Variants in PPP4R1 observed in about 807,000 individuals in gnomAD.
PPP4R1 encodes the protein serine/threonine-protein phosphatase 4 regulatory subunit 1.
PPP4R1 carries 42 observed loss-of-function variants against 111.2 expected under a neutral mutation model. The ratio of observed to expected loss-of-function variants is 0.38; its 90% CI spans 0.29 to 0.49. PPP4R1 has a LOEUF of 0.49. Ranked by LOEUF, PPP4R1 falls within the 20% of genes least tolerant of loss-of-function variation. The probability of loss-of-function intolerance (pLI) is 0.97; values close to 1 mark genes in which losing one functional copy is unlikely to be tolerated. For synonymous variants in PPP4R1, 409 were observed against 405.5 expected (o/e 1.01, Z -0.10); for missense variants, 1,012 against 1,161.6 (o/e 0.87, Z 1.87).
chr18:9,584,406 T>C (rs1167140367), intron 8 of PPP4R1, 109 bp downstream of exon 8: 13 of 905,142 alleles, frequency 1.4e-5, no homozygotes, highest in South Asian at 2.7e-5. Flanking sequence ...TTCTGGTTTA[T>C]ATTCATGGAA....
At chr18:9,589,991 A>G (rs972135833) in intron 4 of PPP4R1, 2 of 152,228 alleles carry the variant, frequency 1.3e-5, no homozygotes, top group African/African-American at 4.8e-5. Context: ...CATGTATAAC[A>G]GAGTATTAGG....
At chr18:9,567,173 A>G (rs1213376966) in intron 11 of PPP4R1, among the ~76,000 whole-genome samples, 1 of 152,220 alleles carries the variant, frequency 6.6e-6, no homozygotes, top group Non-Finnish European at 1.5e-5. Flanking sequence ...GGAGGAGGTC[A>G]AAATATCCAC....
chr18:9,592,636 T>C (rs1598944216), intron 4 of PPP4R1, among the ~76,000 whole-genome samples: 4 of 150,332 alleles, frequency 2.7e-5, no homozygotes, highest in Admixed American at 2.7e-4. Context: ...AATTTACCAA[T>C]GTGAGAACAT....
chr18:9,550,062 A>G lies in PPP4R1; in HGVS notation c.2537T>C (p.Phe846Ser), dbSNP rs746414992. ...PKWSGRQAFVFVCQTVIEDDC... is the reference protein window; with the variant it reads ...PKWSGRQAFVSVCQTVIEDDC... ...CAGGGCCTCGCTTACCTGGCAGACA[A>G]AGACAAAGGCTTGCCGACCAGACCA... Residue 846 changes from phenylalanine (F) to serine (S), a missense_variant, in exon 18 of 20, where the codon TTT (phenylalanine) becomes TCT (serine). Around this residue, in one of 2 missense-constraint regions of PPP4R1, gnomAD observed 305 missense variants for 419.5 expected, o/e 0.73. Transcript: ENST00000400556. The G allele has an allele frequency of 2.0e-5, 32 of 1,614,168 alleles. No homozygotes were observed. The East Asian group carries it at 7.1e-4, about 36-fold the overall frequency.
At chr18:9,556,200 T>C (rs908324777) in intron 15 of PPP4R1, among the ~76,000 whole-genome samples, 6 of 150,684 alleles carry the variant, frequency 4.0e-5, no homozygotes, top group Admixed American at 3.3e-4. Flanking sequence ...TGTTTTTGTT[T>C]TTTACTTTTT....
intron 3 of PPP4R1, 192 bp downstream of exon 3, chr18:9,594,826 T>A: frequency 1.9e-6 from 1 of 520,838 alleles, no homozygotes; most frequent in Non-Finnish European, 3.1e-6. Context: ...AAAGAAAGCA[T>A]GTTGTATGCT....
At chr18:9,553,657 T>C (rs976207883) in intron 15 of PPP4R1, among the ~76,000 whole-genome samples, 1 of 152,236 alleles carries the variant, frequency 6.6e-6, no homozygotes, top group African/African-American at 2.4e-5. Flanking sequence ...TGCCTATCAA[T>C]GAGCCACGCT....
In PPP4R1 at chr18:9,588,745, A is replaced by G. The variant is rs2067161827; in HGVS notation, c.404T>C (p.Ile135Thr). The G allele has an allele frequency of 6.2e-7, 1 of 1,613,084 alleles. No individual in the cohort carries two copies. Among genetic ancestry groups the G allele is most frequent in the Non-Finnish European group, 8.5e-7 (1 of 1,179,118 alleles). The change falls in exon 5 of 20, where the codon ATT (isoleucine) becomes ACT (threonine). Residue 135 changes from isoleucine (I) to threonine (T), a missense_variant. By Grantham distance (89) the Ile-to-Thr change is moderately conservative. This residue lies in a region of PPP4R1 where 707 missense variants were observed against 742.1 expected (regional missense o/e 0.95). Coordinates refer to ENST00000400556, the MANE Select transcript of PPP4R1 (RefSeq NM_001042388.3). ...PYAFSKFLLP[I>T]VVRYLADQNN... ...CTGATCTGCAAGGTATCTAACCACA[A>G]TAGGTAGTAAGAATTTTGAAAAAGC...
At chr18:9,590,176 A>C (rs2145227731) in intron 4 of PPP4R1, 1 of 152,254 alleles carries the variant, frequency 6.6e-6, no homozygotes, top group East Asian at 1.9e-4. Flanking sequence ...TGCATTAATA[A>C]AGCTACATTA....
chr18:9,571,853 G>A (rs911315903), intron 10 of PPP4R1, among the ~76,000 whole-genome samples: 3 of 152,182 alleles, frequency 2.0e-5, no homozygotes, highest in African/African-American at 7.2e-5. Context: ...AGTTCATCCT[G>A]GACTACAGGA....
intron 15 of PPP4R1, among the ~76,000 whole-genome samples, chr18:9,554,059 G>A (rs1458093556): frequency 1.3e-5 from 2 of 152,040 alleles, no homozygotes; most frequent in Non-Finnish European, 2.9e-5. Context: ...GATTTGATGT[G>A]GGAATTATTA....
At chr18:9,576,305 T>C (rs774116945) in intron 10 of PPP4R1, among the ~76,000 whole-genome samples, 17 of 152,208 alleles carry the variant, frequency 1.1e-4, no homozygotes, top group African/African-American at 4.1e-4. Flanking sequence ...ATATTTGTAC[T>C]AAAATTACTT....
At chr18:9,594,238 G>T (rs987217023) in intron 3 of PPP4R1, 19 of 156,766 alleles carry the variant, frequency 1.2e-4, no homozygotes, top group African/African-American at 3.6e-4. Context: ...CCGATATCTA[G>T]AATTTTAAAA....
rs79315110 is a variant in PPP4R1, at chr18:9,607,793, T to C, written c.52+6433A>G. ...AGTTTTTCTTTCTTTCTTTTTTTTT[T>C]TTTTTTTTTGGATGGAGTTTCGCTC... On this transcript the variant is annotated intron_variant, in intron 2 of 19. Transcript: ENST00000400556. 4.0e-3 allele frequency among the ~76,000 whole-genome samples: 604 copies of C among 149,598 alleles called. 25 individuals carry two copies. In the East Asian group the frequency reaches 0.087, roughly 22 times the overall value.
At chr18:9,585,921 T>C (rs551831213) in intron 6 of PPP4R1, among the ~76,000 whole-genome samples, 2 of 152,070 alleles carry the variant, frequency 1.3e-5, no homozygotes, top group Non-Finnish European at 1.5e-5. Flanking sequence ...AAACTGGCAA[T>C]TGTCTCCAAA....
At chr18:9,585,616 C>T (rs559771345) in intron 6 of PPP4R1, among the ~76,000 whole-genome samples, 6 of 152,066 alleles carry the variant, frequency 3.9e-5, no homozygotes, top group East Asian at 3.8e-4. Context: ...TATTCAAATA[C>T]GACATGGTTG....
chr18:9,550,240 A>G, intron 17 of PPP4R1, 38 bp downstream of exon 17: 1 of 1,613,994 alleles, frequency 6.2e-7, no homozygotes, highest in Non-Finnish European at 8.5e-7. Flanking sequence ...AGGATCTTAG[A>G]GTTTGCTGAT....
chr18:9,561,922 G>T (rs2066684068), intron 13 of PPP4R1, 58 bp downstream of exon 13: 4 of 1,381,502 alleles, frequency 2.9e-6, no homozygotes, highest in African/African-American at 2.9e-5. Context: ...TCAGAAATGG[G>T]CTCTAAAAGA....
At chr18:9,555,863 A>G (rs9944999) in intron 15 of PPP4R1, among the ~76,000 whole-genome samples, 146,847 of 151,854 alleles carry the variant, frequency 0.97, 70,921 homozygotes, top group African/African-American at 0.98. Flanking sequence ...TAGGCCAGGC[A>G]TGGTGGCTCA....
Sources: allele counts gnomAD v4.1 joint callset (sites outside exome capture counted in the v4.1 genomes callset), GRCh38; gene constraint gnomAD v4.1.1; regional missense constraint gnomAD v4.1.1; transcripts MANE v1.5; gene names NCBI Gene and HGNC (gene_info 2026-07-23, HGNC 2026-07-21).